USH2A: variants seen among roughly 807,000 people sequenced by gnomAD.
The protein encoded by USH2A is usherin.
A neutral mutation model predicts 538.9 loss-of-function variants in USH2A; 443 were observed. That is an observed-to-expected ratio of 0.82 (90% CI 0.76 to 0.89). USH2A has a LOEUF of 0.89. Ranked by LOEUF, USH2A falls within the 40% of genes least tolerant of loss-of-function variation. The probability of loss-of-function intolerance (pLI) is 0.00; values close to 1 mark genes in which losing one functional copy is unlikely to be tolerated. For missense variants in USH2A, 6,633 were observed against 6,324.8 expected, an observed-to-expected ratio of 1.05 and a Z score of -1.65; for synonymous variants, 2,413 against 2,273.5, an observed-to-expected ratio of 1.06 and a Z score of -1.75.
rs530322386 is a variant in USH2A, at chr1:215,782,910, T to C, written c.10413A>G (p.Thr3471=). The C allele has an allele frequency of 6.2e-5, 100 of 1,613,538 alleles. No individual in the cohort carries two copies. Among genetic ancestry groups the C allele is most frequent in the African/African-American group, 3.3e-4 (25 of 74,898 alleles). The change falls in exon 53 of 72, where the codon ACA becomes ACG. Residue 3471 remains threonine (T), a synonymous_variant. Transcript: ENST00000307340. ...YTDVNLKPYM[T]YEYRISAWNS... ...TCCAGGCAGAAATCCTGTACTCATA[T>C]GTCATGTAGGGCTTGAGGTTCACAT...
chr1:216,038,495 C>G (rs1004847263), intron 32 of USH2A, among the ~76,000 whole-genome samples: 4 of 150,848 alleles, frequency 2.7e-5, no homozygotes, highest in African/African-American at 7.3e-5. Flanking sequence ...AAGACCCCCC[C>G]TCCACTTTCT....
At chr1:216,395,614 A>G (rs1000738983) in intron 3 of USH2A, among the ~76,000 whole-genome samples, 22 of 152,244 alleles carry the variant, frequency 1.4e-4, no homozygotes, top group Non-Finnish European at 3.1e-4. Flanking sequence ...ATTATAAGGA[A>G]ATGACATCGC....
rs182200665 is a variant in USH2A, at chr1:216,224,650, G to A, written c.2994-7100C>T. Among the ~76,000 whole-genome samples, 22 of 152,194 alleles carry A rather than the reference G, an allele frequency of 1.4e-4. No individual in the cohort carries two copies. In the East Asian group the frequency reaches 3.5e-3, roughly 24 times the overall value. ...GTTGTTGGTTGTGTAGTTTAGGGCC[G>A]AGGTCTATTTTATTTTATTTATTTT... On this transcript the variant is annotated intron_variant, in intron 14 of 71. Transcript: ENST00000307340.
At chr1:216,124,419 G>GA (rs978062419) in intron 21 of USH2A, among the ~76,000 whole-genome samples, 6 of 148,312 alleles carry the variant, frequency 4.0e-5, no homozygotes, top group East Asian at 3.9e-4. Context: ...AACTTTAAAG[G>GA]AAAAAAAAAG....
chr1:216,282,799 A>G (rs1246434274), intron 11 of USH2A, among the ~76,000 whole-genome samples: 1 of 152,206 alleles, frequency 6.6e-6, no homozygotes, highest in African/African-American at 2.4e-5. Flanking sequence ...CTGTAGATCA[A>G]TTGGAGAGTG....
intron 3 of USH2A, among the ~76,000 whole-genome samples, chr1:216,368,474 T>A (rs1008834283): frequency 2.0e-5 from 3 of 152,144 alleles, no homozygotes; most frequent in Non-Finnish European, 4.4e-5. Context: ...AGAGACAGAA[T>A]ACCTGTGCTG....
At chr1:215,816,491 T>C (rs1428363052) in intron 48 of USH2A, among the ~76,000 whole-genome samples, 5 of 152,070 alleles carry the variant, frequency 3.3e-5, no homozygotes, top group Non-Finnish European at 4.4e-5. Flanking sequence ...TTATATAAAA[T>C]TCTACCTTCA....
intron 61 of USH2A, among the ~76,000 whole-genome samples, chr1:215,722,554 G>T (rs975071202): frequency 1.3e-5 from 2 of 151,988 alleles, no homozygotes; most frequent in African/African-American, 2.4e-5. Context: ...CTACTTAATG[G>T]TAAAGATATA....
chr1:216,386,980 C>A (rs2039019839), intron 3 of USH2A, among the ~76,000 whole-genome samples: 1 of 152,180 alleles, frequency 6.6e-6, no homozygotes, highest in Admixed American at 6.5e-5. Context: ...TATCACAGAA[C>A]AACTTGAAAA....
chr1:215,639,985 G>A (rs1656620940), intron 68 of USH2A, among the ~76,000 whole-genome samples: 2 of 152,162 alleles, frequency 1.3e-5, no homozygotes, highest in Non-Finnish European at 2.9e-5. Flanking sequence ...TTAGCACCTT[G>A]TAAAGCATTT....
intron 24 of USH2A, among the ~76,000 whole-genome samples, chr1:216,086,109 T>C (rs552066644): frequency 6.6e-5 from 10 of 152,228 alleles, no homozygotes; most frequent in Middle Eastern, 3.4e-3. Context: ...TAAGGTTAAT[T>C]CCATTCATGT....
At chr1:216,195,890 G>A (rs1224553119) in intron 19 of USH2A, 6 of 167,324 alleles carry the variant, frequency 3.6e-5, no homozygotes, top group Non-Finnish European at 8.8e-5. Context: ...ACTGTAAACT[G>A]GAGAGAACAA....
chr1:215,978,740 T>C (rs2764948), intron 35 of USH2A, among the ~76,000 whole-genome samples: 146,754 of 152,272 alleles, frequency 0.96, 70,778 homozygotes, highest in East Asian at 1. Context: ...TAAAGAAGTG[T>C]TACAGGCTTT....
intron 36 of USH2A, among the ~76,000 whole-genome samples, chr1:215,968,806 C>G (rs943352514): frequency 1.2e-4 from 18 of 152,088 alleles, no homozygotes; most frequent in Non-Finnish European, 2.4e-4. Context: ...AATGTCATAG[C>G]ATCGGGCTCT....
At chr1:215,657,849 C>T (rs1424387392) in intron 64 of USH2A, among the ~76,000 whole-genome samples, 4 of 151,966 alleles carry the variant, frequency 2.6e-5, no homozygotes, top group Admixed American at 6.6e-5. Flanking sequence ...CCATTTAATA[C>T]TTGTGAATAT....
intron 70 of USH2A, among the ~76,000 whole-genome samples, chr1:215,632,163 C>A (rs1656304410): frequency 2.6e-5 from 4 of 152,014 alleles, no homozygotes. Context: ...CCTGGGTTCA[C>A]ACCATTCTCC....
At chr1:215,676,015 T>C (rs1233257634) in intron 62 of USH2A, among the ~76,000 whole-genome samples, 1 of 152,134 alleles carries the variant, frequency 6.6e-6, no homozygotes, top group African/African-American at 2.4e-5. Flanking sequence ...CTGACTAAAG[T>C]AGGGTCTACC....
chr1:215,780,067 A>T (rs1346716556), intron 54 of USH2A, 26 bp from the exon 55 acceptor site: 1 of 1,612,118 alleles, frequency 6.2e-7, no homozygotes, highest in Non-Finnish European at 8.5e-7. Context: ...TTAAGCAGCA[A>T]TTTATTGTAA....
chr1:215,836,834 G>A (rs1028576944), intron 47 of USH2A, among the ~76,000 whole-genome samples: 3 of 151,290 alleles, frequency 2.0e-5, no homozygotes, highest in African/African-American at 7.3e-5. Context: ...GGGATTACAG[G>A]CGTGAGCCAC....
Sources: allele counts gnomAD v4.1 joint callset (sites outside exome capture counted in the v4.1 genomes callset), GRCh38; gene constraint gnomAD v4.1.1; transcripts MANE v1.5; gene names NCBI Gene and HGNC (gene_info 2026-07-23, HGNC 2026-07-21).